The following PCDHGB1 variants were observed in gnomAD, a reference collection of about 807,000 sequenced individuals.
PCDHGB1 encodes protocadherin gamma-B1.
In PCDHGB1, 34 loss-of-function variants were observed where a neutral mutation model predicts 56.6. The ratio of observed to expected loss-of-function variants is 0.60; its 90% confidence interval spans 0.46 to 0.80. The LOEUF (loss-of-function observed/expected upper bound fraction) is 0.80. Among genes scored for constraint, PCDHGB1 ranks in the 30% least tolerant of loss-of-function variants. The probability of loss-of-function intolerance (pLI) is 0.00; values close to 1 mark genes in which losing one functional copy is unlikely to be tolerated. For missense variants in PCDHGB1, 1,278 were observed against 1,204.6 expected (o/e 1.06, Z -0.90); for synonymous variants, 561 against 505.9 (o/e 1.11, Z -1.46).
intron 1 of PCDHGB1, chr5:141,394,755 G>A (rs2093086176): frequency 1.2e-6 from 2 of 1,613,434 alleles, no homozygotes; most frequent in Non-Finnish European, 8.5e-7. Context: ...GGCCGTCCAG[G>A]ACCATGGCCA....
chr5:141,465,251 A>T (rs1436627558), intron 1 of PCDHGB1, among the ~76,000 whole-genome samples: 1 of 152,214 alleles, frequency 6.6e-6, no homozygotes, highest in Non-Finnish European at 1.5e-5. Flanking sequence ...GCACTTTTGT[A>T]AGCAATGATA....
At chr5:141,413,922 A>G (rs769177990) in intron 1 of PCDHGB1, 2 of 1,613,458 alleles carry the variant, frequency 1.2e-6, no homozygotes, top group Non-Finnish European at 1.7e-6. Context: ...TCACCTTGCC[A>G]GAATACCGAG....
intron 1 of PCDHGB1, among the ~76,000 whole-genome samples, chr5:141,458,719 G>A (rs891521416): frequency 5.9e-5 from 9 of 151,684 alleles, no homozygotes; most frequent in Non-Finnish European, 1.2e-4. Context: ...ACAGGTATTC[G>A]CCACCACATC....
chr5:141,445,446 G>T (rs2098467238), intron 1 of PCDHGB1, among the ~76,000 whole-genome samples: 1 of 152,264 alleles, frequency 6.6e-6, no homozygotes, highest in Admixed American at 6.5e-5. Flanking sequence ...ATGGACTAAG[G>T]ATGCAGCAAT....
chr5:141,494,751 G>A, intron 1 of PCDHGB1, 56 bp from the exon 2 acceptor site: 2 of 1,613,426 alleles, frequency 1.2e-6, no homozygotes, highest in Non-Finnish European at 8.5e-7. Flanking sequence ...AGGGGCTCGG[G>A]TGACATTCTA....
rs1055042563 is a variant in PCDHGB1, at chr5:141,512,805, C to G, written c.*1632C>G. On this transcript the variant is annotated 3_prime_UTR_variant, in exon 4 of 4. Coordinates refer to ENST00000523390, the MANE Select transcript of PCDHGB1 (RefSeq NM_018922.3). ...TGTTGTGTTTTGTGCTGTGTCCACG[C>G]GCTAAGGCGACCCCCTCCCCCGTAC... 3.0e-4 allele frequency: 46 copies of G among 152,378 alleles called. No individual in the cohort carries two copies. Among genetic ancestry groups the G allele is most frequent in the African/African-American group, 9.9e-4 (41 of 41,570 alleles). The allele number at this position is 152,378 out of a possible 1,614,324, so 9.4% of individuals were successfully genotyped here.
chr5:141,408,431 G>A, intron 1 of PCDHGB1: 1 of 1,614,064 alleles, frequency 6.2e-7, no homozygotes. Flanking sequence ...GCACTTCAGC[G>A]TAGACGCGGA....
At chr5:141,407,910 G>A in intron 1 of PCDHGB1, 1 of 428,786 alleles carries the variant, frequency 2.3e-6, no homozygotes, top group Non-Finnish European at 4.1e-6. Flanking sequence ...GAAAAACCGG[G>A]CTGCTGTCCC....
At chr5:141,415,347 C>G in intron 1 of PCDHGB1, 1 of 1,614,238 alleles carries the variant, frequency 6.2e-7, no homozygotes, top group South Asian at 1.1e-5. Flanking sequence ...GGCGCTGGCA[C>G]AAGTCACGCC....
At chr5:141,492,191 G>A (rs996614987) in intron 1 of PCDHGB1, among the ~76,000 whole-genome samples, 1 of 152,204 alleles carries the variant, frequency 6.6e-6, no homozygotes, top group African/African-American at 2.4e-5. Context: ...ACCTGTCTGC[G>A]GGACTTAGGT....
At chr5:141,355,964 T>A (rs774218837) in intron 1 of PCDHGB1, 1 of 1,613,906 alleles carries the variant, frequency 6.2e-7, no homozygotes, top group East Asian at 2.2e-5. Context: ...CGTGAGAACG[T>A]TCCTGTAGGC....
intron 3 of PCDHGB1, among the ~76,000 whole-genome samples, chr5:141,509,347 C>A (rs755234053): frequency 2.6e-5 from 4 of 152,142 alleles, no homozygotes; most frequent in Non-Finnish European, 5.9e-5. Context: ...CCTGGGCTGG[C>A]CTGGGCATCC....
chr5:141,365,797 C>G (rs376466748), intron 1 of PCDHGB1: 9 of 1,613,860 alleles, frequency 5.6e-6, no homozygotes, highest in Non-Finnish European at 6.8e-6. Context: ...GAGTCACCTA[C>G]TCCCTGGCTG....
At chr5:141,353,619 GT>G (rs1759337292) in intron 1 of PCDHGB1, among the ~76,000 whole-genome samples, 1 of 152,022 alleles carries the variant, frequency 6.6e-6, no homozygotes, top group Non-Finnish European at 1.5e-5. Flanking sequence ...TAAATTATTT[GT>G]TTTTATGCTC....
At chr5:141,405,094 C>T (rs1289372327) in intron 1 of PCDHGB1, 4 of 1,613,840 alleles carry the variant, frequency 2.5e-6, no homozygotes, top group Non-Finnish European at 3.4e-6. Flanking sequence ...TGCTGGCCCT[C>T]AGGCTGAGGC....
intron 1 of PCDHGB1, chr5:141,365,557 C>T (rs1763991052): frequency 1.2e-6 from 2 of 1,613,606 alleles, no homozygotes; most frequent in African/African-American, 1.3e-5. Flanking sequence ...CAACTAGGGA[C>T]CTGGACAGAG....
rs781173070 is a variant in PCDHGB1, at chr5:141,374,478, G to T, written c.2409+21809G>T. 3.1e-6 allele frequency: 5 copies of T among 1,611,820 alleles called. No homozygotes were observed. In the Admixed American group the frequency reaches 5.0e-5, roughly 16 times the overall value. The stretch of plus-strand genomic sequence containing the variant: ...GTGGACATTAATGACAATACACCCC[G>T]ATTCTTAAAGGAAGAATTGGAAGTG... On this transcript the variant is annotated intron_variant, in intron 1 of 3. Coordinates refer to ENST00000523390, the MANE Select transcript of PCDHGB1 (RefSeq NM_018922.3).
intron 1 of PCDHGB1, chr5:141,413,863 G>A (rs1367797365): frequency 1.9e-6 from 3 of 1,613,356 alleles, no homozygotes; most frequent in Admixed American, 1.7e-5. Flanking sequence ...ATCTGGCACT[G>A]TCCTTGTCAG....
intron 1 of PCDHGB1, among the ~76,000 whole-genome samples, chr5:141,359,386 C>G (rs1405984010): frequency 6.6e-6 from 1 of 151,886 alleles, no homozygotes; most frequent in Non-Finnish European, 1.5e-5. Flanking sequence ...TAATTTATAA[C>G]CTAAAATCAA....
Sources: gnomAD v4.1 joint callset for allele counts (sites outside exome capture counted in the v4.1 genomes callset) on GRCh38, gnomAD v4.1.1 for gene constraint, MANE v1.5 for transcripts, NCBI Gene and HGNC (gene_info 2026-07-23, HGNC 2026-07-21) for gene names.